The following SRSF4 variants were observed in gnomAD, a reference collection of about 807,000 sequenced individuals.
SRSF4 encodes the protein serine and arginine rich splicing factor 4.
Under a neutral mutation model 48.8 loss-of-function variants are expected in SRSF4, and 12 were observed. The observed-to-expected ratio is 0.25, with a 90% CI of 0.16 to 0.40. The LOEUF (loss-of-function observed/expected upper bound fraction) is 0.40. SRSF4 is among the 10% of genes least tolerant of loss of function. The probability of loss-of-function intolerance (pLI) is 1.00; values close to 1 mark genes in which losing one functional copy is unlikely to be tolerated. For missense variants in SRSF4, 466 were observed against 667.1 expected, an observed-to-expected ratio of 0.70 and a Z score of 3.32; for synonymous variants, 248 against 232.5, an observed-to-expected ratio of 1.07 and a Z score of -0.61.
At position 29,148,223 on chromosome 1, in the gene SRSF4, C is replaced by T. The variant is rs547928229; in HGVS notation, c.*187G>A. On this transcript the variant is annotated 3_prime_UTR_variant, in exon 6 of 6. Coordinates refer to ENST00000373795, the MANE Select transcript of SRSF4 (RefSeq NM_005626.5). Reference sequence around the variant, plus strand: ...TTTCAAAGAGAAAATTTTTTTCAGTCGAGCAGGAAGGCCTGGTGCCAGGAG... The same window carrying T: ...TTTCAAAGAGAAAATTTTTTTCAGTTGAGCAGGAAGGCCTGGTGCCAGGAG... 123 of 868,280 alleles carry T rather than the reference C, an allele frequency of 1.4e-4. No individual in the cohort carries two copies. In the African/African-American group the frequency reaches 1.6e-3, roughly 11 times the overall value. 53.8% of individuals were successfully genotyped at this position (868,280 alleles called of 1,614,324 possible).
At chr1:29,168,262 C>T (rs890469240) in intron 1 of SRSF4, among the ~76,000 whole-genome samples, 12 of 149,954 alleles carry the variant, frequency 8.0e-5, no homozygotes, top group African/African-American at 2.9e-4. Flanking sequence ...AACTCCTGAG[C>T]TCAGGCAATC....
chr1:29,178,271 T>C (rs931322744), intron 1 of SRSF4, among the ~76,000 whole-genome samples: 5 of 151,908 alleles, frequency 3.3e-5, no homozygotes, highest in African/African-American at 1.2e-4. Context: ...TACTGATACA[T>C]CTCACTTCTA....
At chr1:29,161,662 G>A (rs541484497) in intron 1 of SRSF4, among the ~76,000 whole-genome samples, 4 of 152,204 alleles carry the variant, frequency 2.6e-5, no homozygotes, top group African/African-American at 4.8e-5. Context: ...GCAGTGGTGC[G>A]ATCTCAGCTC....
intron 1 of SRSF4, among the ~76,000 whole-genome samples, chr1:29,164,531 CAT>C (rs1338765163): frequency 6.6e-6 from 1 of 152,220 alleles, no homozygotes; most frequent in African/African-American, 2.4e-5. Flanking sequence ...CACGTGTGTA[CAT>C]ATATGTATAT....
intron 1 of SRSF4, 49 bp downstream of exon 1, chr1:29,181,597 C>A (rs780780348): frequency 1.3e-6 from 2 of 1,502,326 alleles, no homozygotes; most frequent in African/African-American, 1.4e-5. Context: ...CTCCCCACCA[C>A]CTATGGGGTC....
At chr1:29,174,503 G>A (rs74065259) in intron 1 of SRSF4, among the ~76,000 whole-genome samples, 1,586 of 152,160 alleles carry the variant, frequency 0.01, 31 homozygotes, top group African/African-American at 0.036. Context: ...GGAGTACTAT[G>A]TAGCCATTAG....
Position 29,177,973 on chromosome 1 carries a change from C to T in SRSF4, c.107+3673G>A, listed in dbSNP as rs139189698. ...GGAGTGCAGTGATGCAATCTCTGCT[C>T]ACTGCAACCTCCACCTCCCAGGTTC... On this transcript the variant is annotated intron_variant, in intron 1 of 5. Transcript: ENST00000373795. Among the ~76,000 whole-genome samples the T allele has an allele frequency of 2.1e-3, 287 of 139,628 alleles. 5 individuals are homozygous for T. The highest frequency in any genetic ancestry group is 7.4e-3 in the African/African-American group (269 of 36,466). 91.6% of individuals were successfully genotyped at this position (139,628 alleles called of 152,430 possible).
At position 29,149,213 on chromosome 1, in the gene SRSF4, A is replaced by T; in HGVS notation, c.682T>A (p.Ser228Thr). The change falls in exon 6 of 6, where the codon TCC (serine) becomes ACC (threonine). Residue 228 changes from serine to threonine, a missense_variant. Transcript: ENST00000373795. ...CTCCGGCTCCGGCTCTTGCTCCGGGAGCGGGAGCCCGACCTGAGGAGACAT... is the reference window on the plus strand; with the variant it reads ...CTCCGGCTCCGGCTCTTGCTCCGGGTGCGGGAGCCCGACCTGAGGAGACAT... ...SRSRSRSGSR[S>T]RSKSRSRSQS... 1 of 1,607,824 alleles carries T rather than the reference A, an allele frequency of 6.2e-7. No homozygotes were observed. The highest frequency in any genetic ancestry group is 8.5e-7 in the Non-Finnish European group (1 of 1,179,804).
Position 29,149,084 on chromosome 1 carries a change from C to T in SRSF4, c.811G>A (p.Asp271Asn), listed in dbSNP as rs1672359012. The part of the protein sequence containing the change: ...SAGKSRSKSK[D>N]QAEEKIQNND... ...TTTTGGATCTTCTCTTCAGCTTGGTCTTTGCTCTTGCTGCGGCTCTTGCCA... is the reference window on the plus strand; with the variant it reads ...TTTTGGATCTTCTCTTCAGCTTGGTTTTTGCTCTTGCTGCGGCTCTTGCCA... The change falls in exon 6 of 6, where the codon GAC becomes AAC. Residue 271 changes from aspartate (D) to asparagine (N), a missense_variant. Asp to Asn is a conservative substitution (Grantham distance 23). Transcript: ENST00000373795. The T allele has an allele frequency of 3.7e-6, 6 of 1,613,540 alleles. No individual in the cohort carries two copies. The highest frequency in any genetic ancestry group is 4.2e-6 in the Non-Finnish European group (5 of 1,179,930).
chr1:29,172,565 TAC>T (rs1672760338), intron 1 of SRSF4: 1 of 152,270 alleles, frequency 6.6e-6, no homozygotes, highest in Admixed American at 6.5e-5. Context: ...GTGCTGGAAT[TAC>T]AGACGTGAGC....
intron 1 of SRSF4, among the ~76,000 whole-genome samples, chr1:29,168,187 TG>T (rs1420547411): frequency 8.0e-5 from 10 of 124,494 alleles, no homozygotes; most frequent in South Asian, 2.4e-4. Flanking sequence ...GCAAATTTTT[TG>T]TAATTTTTTT....
At chr1:29,156,678 A>T (rs1337270917) in intron 3 of SRSF4, among the ~76,000 whole-genome samples, 1 of 152,158 alleles carries the variant, frequency 6.6e-6, no homozygotes, top group African/African-American at 2.4e-5. Flanking sequence ...TCGTTTCCTG[A>T]GAGTGGAACT....
At chr1:29,151,217 C>G (rs1331798481) in intron 4 of SRSF4, among the ~76,000 whole-genome samples, 1 of 152,182 alleles carries the variant, frequency 6.6e-6, no homozygotes, top group South Asian at 2.1e-4. Flanking sequence ...AATGTTTAAC[C>G]TGCATCTCAA....
chr1:29,171,469 C>T (rs72649258), intron 1 of SRSF4: 5,591 of 150,438 alleles, frequency 0.037, 132 homozygotes, highest in Non-Finnish European at 0.056. Context: ...CATTTTGTAA[C>T]CTTGGGCCAG....
intron 4 of SRSF4, 159 bp downstream of exon 4, chr1:29,154,537 C>CA: frequency 1.4e-6 from 1 of 711,100 alleles, no homozygotes; most frequent in South Asian, 2.0e-5. Context: ...CCTAAGAGTT[C>CA]AAGAGTTTTA....
At chr1:29,159,244 T>G (rs1309910113) in intron 3 of SRSF4, 130 bp downstream of exon 3, 3 of 582,294 alleles carry the variant, frequency 5.2e-6, no homozygotes, top group Non-Finnish European at 3.1e-6. Flanking sequence ...CTTTAATTAT[T>G]TCCAGCTCTG....
At chr1:29,178,502 C>A (rs1007858390) in intron 1 of SRSF4, among the ~76,000 whole-genome samples, 2 of 152,004 alleles carry the variant, frequency 1.3e-5, no homozygotes, top group African/African-American at 4.8e-5. Flanking sequence ...TGCCACCATG[C>A]CCGGCTACTT....
chr1:29,150,112 G>A lies in SRSF4; in HGVS notation c.659C>T (p.Ser220Phe). 6.2e-7 allele frequency: 1 copy of A among 1,613,740 alleles called. No homozygotes were observed. Residue 220 changes from serine to phenylalanine, a missense_variant, in exon 5 of 6, where the codon TCT (serine) becomes TTT (phenylalanine). By Grantham distance (155) the Ser-to-Phe change is radical (BLOSUM62 -2). Around this residue, in one of 2 missense-constraint regions of SRSF4, gnomAD observed 402 missense variants for 437.0 expected, o/e 0.92. Transcript: ENST00000373795. ...SSKSSHSKSR[S>F]RSRSGSRSRS... Reference sequence around the variant, plus strand: ...AACATGGAAGACATACCTGGACCGAGATCTACTCTTAGAATGACTGCTTTT... The same window carrying A: ...AACATGGAAGACATACCTGGACCGAAATCTACTCTTAGAATGACTGCTTTT...
At chr1:29,167,545 C>T (rs554591249) in intron 1 of SRSF4, among the ~76,000 whole-genome samples, 2 of 152,316 alleles carry the variant, frequency 1.3e-5, no homozygotes, top group South Asian at 4.1e-4. Flanking sequence ...CCACCACGCC[C>T]AGCTAATTTT....
Sources: allele counts gnomAD v4.1 joint callset (sites outside exome capture counted in the v4.1 genomes callset), GRCh38; gene constraint gnomAD v4.1.1; regional missense constraint gnomAD v4.1.1; transcripts MANE v1.5; gene names NCBI Gene and HGNC (gene_info 2026-07-23, HGNC 2026-07-21).